The following SCAPER variants were observed in gnomAD, a reference collection of about 807,000 sequenced individuals.
SCAPER encodes the protein S-phase cyclin A associated protein in the ER, also known as S phase cyclin A-associated protein in the endoplasmic reticulum.
A neutral mutation model predicts 182.2 loss-of-function variants in SCAPER; 98 were observed. The ratio of observed to expected loss-of-function variants is 0.54; its 90% CI spans 0.46 to 0.64. The LOEUF is 0.64. Among genes scored for constraint, SCAPER ranks in the 30% least tolerant of loss-of-function variants. The pLI is 0.00. For missense variants in SCAPER, 1,432 were observed against 1,690.0 expected (o/e 0.85, Z 2.68); for synonymous variants, 605 against 564.6 (o/e 1.07, Z -1.01).
intron 2 of SCAPER, among the ~76,000 whole-genome samples, chr15:76,880,570 C>CT (rs2073467823): frequency 6.6e-6 from 1 of 152,138 alleles, no homozygotes; most frequent in African/African-American, 2.4e-5. Flanking sequence ...GGTTTTTGGA[C>CT]ATATTCCTTA....
intron 6 of SCAPER, among the ~76,000 whole-genome samples, chr15:76,801,436 TC>T (rs748554235): frequency 3.3e-5 from 5 of 152,222 alleles, no homozygotes; most frequent in African/African-American, 7.2e-5. Flanking sequence ...ACCTATATTT[TC>T]TTCTTTAAAC....
intron 4 of SCAPER, among the ~76,000 whole-genome samples, chr15:76,853,796 A>ATAC (rs1419099520): frequency 1.3e-5 from 2 of 152,232 alleles, no homozygotes; most frequent in Non-Finnish European, 2.9e-5. Flanking sequence ...TATTCAATAC[A>ATAC]GTATTGGAAG....
Position 76,376,169 on chromosome 15 carries a change from T to C in SCAPER, c.3848A>G (p.Asp1283Gly). The C allele has an allele frequency of 6.2e-7, 1 of 1,613,988 alleles. No individual in the cohort carries two copies. The highest frequency in any genetic ancestry group is 1.7e-5 in the Admixed American group (1 of 60,032). ...CVGYFTVNHPDNQVIVQSGRH... is the reference protein window; with the variant it reads ...CVGYFTVNHPGNQVIVQSGRH... ...CTTTCCAGGGCCTCTTACCTGGTTA[T>C]CTGGGTGGTTGACAGTGAAGTAGCC... The change falls in exon 29 of 32, where the codon GAT (aspartate) becomes GGT (glycine). Residue 1283 changes from aspartate to glycine, a missense_variant. Transcript: ENST00000563290.
At chr15:76,404,930 G>C (rs1157555309) in intron 26 of SCAPER, among the ~76,000 whole-genome samples, 3 of 151,988 alleles carry the variant, frequency 2.0e-5, no homozygotes, top group Non-Finnish European at 4.4e-5. Context: ...AAAAATGAAT[G>C]ACAATGATTA....
intron 21 of SCAPER, among the ~76,000 whole-genome samples, chr15:76,643,108 A>C (rs1455536896): frequency 6.6e-6 from 1 of 152,162 alleles, no homozygotes; most frequent in Non-Finnish European, 1.5e-5. Context: ...TAGCTGAGTC[A>C]AGGATATCTG....
chr15:76,891,909 A>C (rs2152601670), intron 1 of SCAPER, among the ~76,000 whole-genome samples: 1 of 152,308 alleles, frequency 6.6e-6, no homozygotes, highest in East Asian at 1.9e-4. Context: ...GAGACTTCAT[A>C]CTACCTGACT....
At chr15:76,818,226 A>G (rs2067240637) in intron 5 of SCAPER, among the ~76,000 whole-genome samples, 1 of 152,242 alleles carries the variant, frequency 6.6e-6, no homozygotes, top group Non-Finnish European at 1.5e-5. Flanking sequence ...TGATGCTAGA[A>G]TAAATGGGAC....
chr15:76,863,969 G>C (rs1444915280), intron 2 of SCAPER, among the ~76,000 whole-genome samples: 2 of 152,130 alleles, frequency 1.3e-5, no homozygotes, highest in Non-Finnish European at 2.9e-5. Flanking sequence ...CCAGAGGACA[G>C]CATCCTCTAC....
chr15:76,418,143 T>C (rs2045787063), intron 26 of SCAPER, among the ~76,000 whole-genome samples: 1 of 152,048 alleles, frequency 6.6e-6, no homozygotes, highest in Admixed American at 6.6e-5. Context: ...AAGCAAACAA[T>C]GATATTTTGA....
At chr15:76,572,453 A>G (rs886594628) in intron 23 of SCAPER, among the ~76,000 whole-genome samples, 4 of 152,218 alleles carry the variant, frequency 2.6e-5, no homozygotes, top group Non-Finnish European at 5.9e-5. Context: ...ACACACAAGA[A>G]CTGACTTTAC....
chr15:76,569,032 T>TC (rs2047248516), intron 23 of SCAPER, among the ~76,000 whole-genome samples: 1 of 152,092 alleles, frequency 6.6e-6, no homozygotes, highest in African/African-American at 2.4e-5. Context: ...TTTCACTTTT[T>TC]CTCTCAAATC....
intron 1 of SCAPER, among the ~76,000 whole-genome samples, chr15:76,902,073 T>C (rs1355351253): frequency 6.6e-6 from 1 of 152,198 alleles, no homozygotes; most frequent in Non-Finnish European, 1.5e-5. Flanking sequence ...TTTCACTCTT[T>C]ATATTTCACA....
At chr15:76,802,328 C>T (rs1472218614) in intron 6 of SCAPER, among the ~76,000 whole-genome samples, 1 of 151,586 alleles carries the variant, frequency 6.6e-6, no homozygotes, top group Non-Finnish European at 1.5e-5. Flanking sequence ...CCTTTTTTTT[C>T]CCAACCTATT....
At chr15:76,357,380 G>C (rs1322574316) in intron 29 of SCAPER, among the ~76,000 whole-genome samples, 1 of 152,118 alleles carries the variant, frequency 6.6e-6, no homozygotes, top group Non-Finnish European at 1.5e-5. Flanking sequence ...CTAATCATCA[G>C]ATGAATGCAA....
chr15:76,690,225 A>G lies in SCAPER; in HGVS notation c.2508+11533T>C, dbSNP rs1390979028. On this transcript the variant is annotated intron_variant, in intron 20 of 31. Transcript: ENST00000563290. ...ATTTAAACTCTATGGTATTCCCACC[A>G]AATATATATAACCCCAGGGTAATCA... Among the ~76,000 whole-genome samples the G allele has an allele frequency of 2.2e-4, 34 of 152,156 alleles. 2 individuals carry two copies. Among genetic ancestry groups the G allele is most frequent in the Admixed American group, 2.2e-3 (34 of 15,262 alleles).
chr15:76,717,173 G>C (rs1116535), intron 17 of SCAPER, among the ~76,000 whole-genome samples: 57,587 of 146,286 alleles, frequency 0.39, 12,882 homozygotes, highest in Middle Eastern at 0.53. Context: ...TGCCGGCTAA[G>C]AATACTATAC....
At chr15:76,452,040 ATTC>A (rs1200965258) in intron 25 of SCAPER, among the ~76,000 whole-genome samples, 1 of 151,596 alleles carries the variant, frequency 6.6e-6, no homozygotes, top group Non-Finnish European at 1.5e-5. Flanking sequence ...TCTCTGTCTC[ATTC>A]TTCTTCCAGT....
intron 29 of SCAPER, among the ~76,000 whole-genome samples, chr15:76,357,184 A>ACACACACACACACC (rs1485814475): frequency 4.0e-5 from 6 of 151,388 alleles, no homozygotes; most frequent in Non-Finnish European, 5.9e-5. Flanking sequence ...ACACACACAC[A>ACACACACACACACC]CACACCCCTA....
intron 1 of SCAPER, among the ~76,000 whole-genome samples, chr15:76,886,314 T>G (rs2073836980): frequency 6.6e-6 from 1 of 151,862 alleles, no homozygotes; most frequent in South Asian, 2.1e-4. Flanking sequence ...ACCCTGCCTC[T>G]ACTAAAAATA....
Sources: allele counts gnomAD v4.1 joint callset (sites outside exome capture counted in the v4.1 genomes callset), GRCh38; gene constraint gnomAD v4.1.1; transcripts MANE v1.5; gene names NCBI Gene and HGNC (gene_info 2026-07-23, HGNC 2026-07-21).